The following TTC27 variants were observed in gnomAD, a reference collection of about 807,000 sequenced individuals.
TTC27 encodes the protein tetratricopeptide repeat protein 27.
TTC27 carries 79 observed loss-of-function variants against 115.9 expected under a neutral mutation model. That is an observed-to-expected ratio of 0.68 (90% CI 0.57 to 0.82). The LOEUF is 0.82. TTC27 is among the 40% of genes least tolerant of loss of function. The probability of loss-of-function intolerance (pLI) is 0.00; values close to 1 mark genes in which losing one functional copy is unlikely to be tolerated. For synonymous variants in TTC27, 401 were observed against 356.0 expected, an observed-to-expected ratio of 1.13 and a Z score of -1.42; for missense variants, 1,054 against 993.1, an observed-to-expected ratio of 1.06 and a Z score of -0.82.
At chr2:32,665,874 A>T (rs1195979499) in intron 6 of TTC27, among the ~76,000 whole-genome samples, 1 of 152,214 alleles carries the variant, frequency 6.6e-6, no homozygotes, top group African/African-American at 2.4e-5. Context: ...CTGGCAACAG[A>T]GCAGGACTCC....
intron 10 of TTC27, among the ~76,000 whole-genome samples, chr2:32,733,384 A>G (rs1286800124): frequency 1.3e-5 from 2 of 152,224 alleles, no homozygotes; most frequent in Non-Finnish European, 2.9e-5. Flanking sequence ...TCTGTGATCA[A>G]ATAGGCTACT....
At chr2:32,653,659 C>G (rs1344584188) in intron 5 of TTC27, among the ~76,000 whole-genome samples, 1 of 150,760 alleles carries the variant, frequency 6.6e-6, no homozygotes, top group African/African-American at 2.4e-5. Context: ...ACGTTGATTT[C>G]TTTTCATAAA....
intron 9 of TTC27, among the ~76,000 whole-genome samples, chr2:32,697,147 G>A (rs1396541382): frequency 1.3e-5 from 2 of 150,892 alleles, no homozygotes; most frequent in South Asian, 2.1e-4. Flanking sequence ...AGCCGAGACT[G>A]CACCACTGCA....
At chr2:32,772,780 G>T (rs1318256239) in intron 13 of TTC27, among the ~76,000 whole-genome samples, 2 of 152,032 alleles carry the variant, frequency 1.3e-5, no homozygotes, top group African/African-American at 2.4e-5. Context: ...CCATTCTATT[G>T]TCAATGTCCT....
At chr2:32,632,063 G>A (rs1664238427) in intron 2 of TTC27, among the ~76,000 whole-genome samples, 1 of 151,590 alleles carries the variant, frequency 6.6e-6, no homozygotes. Context: ...TGCCCACCTC[G>A]GCCTCCCAAA....
chr2:32,669,522 T>C (rs1429301681), intron 7 of TTC27, among the ~76,000 whole-genome samples: 1 of 152,166 alleles, frequency 6.6e-6, no homozygotes, highest in African/African-American at 2.4e-5. Flanking sequence ...TTAATAACCA[T>C]TTTTCAGGAA....
chr2:32,695,435 A>C (rs1410041514), intron 9 of TTC27, among the ~76,000 whole-genome samples: 1 of 151,612 alleles, frequency 6.6e-6, no homozygotes, highest in Non-Finnish European at 1.5e-5. Flanking sequence ...AATATAAAAA[A>C]TTAGGCCAGG....
intron 13 of TTC27, among the ~76,000 whole-genome samples, chr2:32,776,665 G>A (rs1327576148): frequency 6.6e-6 from 1 of 152,166 alleles, no homozygotes; most frequent in East Asian, 1.9e-4. Context: ...CTGGAGTGCA[G>A]TGGTGCAATC....
chr2:32,808,133 C>T (rs1360245989), intron 16 of TTC27, among the ~76,000 whole-genome samples: 1 of 152,060 alleles, frequency 6.6e-6, no homozygotes, highest in East Asian at 1.9e-4. Flanking sequence ...CAGGGTTTCA[C>T]CATGTTGGCC....
chr2:32,631,975 T>A (rs1664232984), intron 2 of TTC27, among the ~76,000 whole-genome samples: 2 of 150,902 alleles, frequency 1.3e-5, no homozygotes, highest in Admixed American at 1.3e-4. Flanking sequence ...ACCTGGCTCA[T>A]TTTTTTTGTA....
At chr2:32,807,305 C>G (rs1260726293) in intron 16 of TTC27, among the ~76,000 whole-genome samples, 1 of 152,108 alleles carries the variant, frequency 6.6e-6, no homozygotes, top group African/African-American at 2.4e-5. Flanking sequence ...ATACCAATTT[C>G]CTTCTTTACC....
At chr2:32,805,697 T>C (rs1671104746) in intron 16 of TTC27, among the ~76,000 whole-genome samples, 1 of 152,184 alleles carries the variant, frequency 6.6e-6, no homozygotes, top group Admixed American at 6.5e-5. Context: ...GAGCCAGCAA[T>C]GTGGTGTTAC....
chr2:32,780,049 T>C (rs557130823), intron 14 of TTC27: 1 of 462,130 alleles, frequency 2.2e-6, no homozygotes, highest in East Asian at 7.0e-5. Context: ...TTTCATTGAC[T>C]ATAGGTCTGT....
chr2:32,673,470 G>T (rs902491672), intron 8 of TTC27, among the ~76,000 whole-genome samples: 2 of 151,772 alleles, frequency 1.3e-5, no homozygotes, highest in Non-Finnish European at 2.9e-5. Flanking sequence ...CAGCTGATCC[G>T]CCCGCCTCGG....
rs140737472 is a variant in TTC27, at chr2:32,632,119, A to T, written c.266+1419A>T. Among the ~76,000 whole-genome samples the T allele has an allele frequency of 9.7e-3, 1,363 of 140,722 alleles. 10 individuals carry two copies. Among genetic ancestry groups the T allele is most frequent in the Middle Eastern group, 0.026 (7 of 270 alleles). The allele number at this position is 140,722 out of a possible 152,430, so 92.3% of individuals were successfully genotyped here. On this transcript the variant is annotated intron_variant, in intron 2 of 19. Coordinates refer to ENST00000317907, the MANE Select transcript of TTC27 (RefSeq NM_017735.5). ...AGCCACTTCGCCCAGCCTCCATTTA[A>T]TTTTTTTTAGTTTACTGGTAGTTAT...
intron 3 of TTC27, chr2:32,635,218 T>TA (rs1265960490): frequency 6.6e-6 from 1 of 152,544 alleles, no homozygotes; most frequent in Non-Finnish European, 1.5e-5. Context: ...AAGTATGGTT[T>TA]AAATCAAAGT....
At chr2:32,788,980 A>G (rs1670440388) in intron 16 of TTC27, among the ~76,000 whole-genome samples, 1 of 152,194 alleles carries the variant, frequency 6.6e-6, no homozygotes, top group African/African-American at 2.4e-5. Context: ...AGCACTTCAC[A>G]TGTATTAGCT....
chr2:32,811,623 AAG>A (rs1671320230), intron 17 of TTC27, among the ~76,000 whole-genome samples: 1 of 152,210 alleles, frequency 6.6e-6, no homozygotes, highest in South Asian at 2.1e-4. Context: ...AGGAAAAGAA[AAG>A]AGAAAAATGA....
intron 16 of TTC27, among the ~76,000 whole-genome samples, chr2:32,803,093 G>A (rs1015109005): frequency 6.6e-6 from 1 of 152,202 alleles, no homozygotes; most frequent in African/African-American, 2.4e-5. Context: ...CACAGGGGGA[G>A]CTCACCCATT....
Sources: allele counts gnomAD v4.1 joint callset (sites outside exome capture counted in the v4.1 genomes callset), GRCh38; gene constraint gnomAD v4.1.1; transcripts MANE v1.5; gene names NCBI Gene and HGNC (gene_info 2026-07-23, HGNC 2026-07-21).